TRDN: variants seen among roughly 807,000 people sequenced by gnomAD.
The protein encoded by TRDN is triadin.
Under a neutral mutation model 149.7 loss-of-function variants are expected in TRDN, and 161 were observed. That is an observed-to-expected ratio of 1.08 (90% CI 0.95 to 1.23). TRDN has a LOEUF of 1.23. Ranked by LOEUF, TRDN falls within the 50% of genes most tolerant of loss-of-function variation. TRDN has a pLI of 0.00. For synonymous variants in TRDN, 294 were observed against 250.5 expected (o/e 1.17, Z -1.64); for missense variants, 896 against 823.5 (o/e 1.09, Z -1.08).
intron 21 of TRDN, among the ~76,000 whole-genome samples, chr6:123,346,705 T>C (rs539122921): frequency 1.3e-5 from 2 of 152,080 alleles, no homozygotes; most frequent in South Asian, 4.1e-4. Context: ...TTTTAAAAGA[T>C]AAACCATATT....
intron 4 of TRDN, 92 bp downstream of exon 4, chr6:123,547,248 T>C (rs1395016723): frequency 8.8e-6 from 7 of 793,002 alleles, no homozygotes; most frequent in Non-Finnish European, 7.6e-6. Context: ...AAAACCTTTA[T>C]ATTAAAATAA....
intron 9 of TRDN, among the ~76,000 whole-genome samples, chr6:123,465,885 T>C (rs1776773593): frequency 6.6e-6 from 1 of 152,232 alleles, no homozygotes; most frequent in African/African-American, 2.4e-5. Context: ...CAGACCTGCC[T>C]TACTGAAAGT....
rs546598898 is a variant in TRDN, at chr6:123,244,832, G to T, written c.1975+7580C>A. Among the ~76,000 whole-genome samples, 7 of 152,232 alleles carry T rather than the reference G, an allele frequency of 4.6e-5. No individual in the cohort carries two copies. In the South Asian group the frequency reaches 1.5e-3, roughly 32 times the overall value. On this transcript the variant is annotated intron_variant, in intron 38 of 40. Transcript: ENST00000334268. ...GTTGAAATGAAAGAAAAAATGTTAA[G>T]GGCAGCTAGAGAGAAAGGTCAGGTC...
chr6:123,280,356 A>G (rs1002798634), intron 24 of TRDN, among the ~76,000 whole-genome samples: 3 of 152,310 alleles, frequency 2.0e-5, no homozygotes, highest in South Asian at 2.1e-4. Flanking sequence ...TTGAAGTTCA[A>G]TAGCGTCAAT....
intron 2 of TRDN, among the ~76,000 whole-genome samples, chr6:123,561,462 T>C (rs1172620587): frequency 6.6e-6 from 1 of 152,000 alleles, no homozygotes; most frequent in Non-Finnish European, 1.5e-5. Flanking sequence ...GCATGGACAC[T>C]CCTTTTTATT....
In TRDN at chr6:123,428,046, T is replaced by C. The variant is rs1774196257; in HGVS notation, c.1051+10017A>G. Among the ~76,000 whole-genome samples, 3 of 152,204 alleles carry C rather than the reference T, an allele frequency of 2.0e-5. No individual in the cohort carries two copies. The South Asian group carries it at 6.2e-4, about 31-fold the overall frequency. On this transcript the variant is annotated intron_variant, in intron 12 of 40. Transcript: ENST00000334268. ...AATCATATCACCTAGATTTTCACCA[T>C]CTAGAAATGACTTCTTGAAGAGAGT... is the stretch of plus-strand genomic sequence containing the variant.
intron 12 of TRDN, among the ~76,000 whole-genome samples, chr6:123,436,938 T>C (rs999781825): frequency 6.6e-6 from 1 of 152,170 alleles, no homozygotes; most frequent in Admixed American, 6.5e-5. Flanking sequence ...TGGTAGAATT[T>C]TAAGCATCAC....
chr6:123,366,261 A>G, intron 19 of TRDN, 79 bp from the exon 20 acceptor site: 2 of 1,364,990 alleles, frequency 1.5e-6, no homozygotes, highest in Non-Finnish European at 2.0e-6. Flanking sequence ...TGAGAATAAA[A>G]TTAAAGATAA....
chr6:123,453,786 T>C (rs952577289), intron 10 of TRDN, among the ~76,000 whole-genome samples: 1 of 152,050 alleles, frequency 6.6e-6, no homozygotes, highest in African/African-American at 2.4e-5. Flanking sequence ...AGCCATTATT[T>C]GAAAAAGATT....
intron 37 of TRDN, among the ~76,000 whole-genome samples, chr6:123,253,607 T>C (rs924606386): frequency 1.3e-5 from 2 of 152,148 alleles, no homozygotes; most frequent in Non-Finnish European, 2.9e-5. Context: ...AAAAATAGAC[T>C]TTCACTGATA....
intron 9 of TRDN, among the ~76,000 whole-genome samples, 196 bp downstream of exon 9, chr6:123,496,997 A>G (rs760660923): frequency 7.2e-5 from 11 of 152,060 alleles, no homozygotes; most frequent in Non-Finnish European, 1.3e-4. Context: ...TTCATTTGCA[A>G]TAGGCCATGC....
At chr6:123,249,963 CA>C (rs1233650711) in intron 38 of TRDN, among the ~76,000 whole-genome samples, 2 of 151,802 alleles carry the variant, frequency 1.3e-5, no homozygotes, top group South Asian at 2.1e-4. Flanking sequence ...AGGACTCCAC[CA>C]AAAAAACTTC....
chr6:123,593,181 A>G (rs941285020), intron 1 of TRDN, among the ~76,000 whole-genome samples: 1 of 152,226 alleles, frequency 6.6e-6, no homozygotes, highest in Non-Finnish European at 1.5e-5. Flanking sequence ...AAAATTGATC[A>G]CAATTACATT....
chr6:123,247,940 C>A (rs1776244040), intron 38 of TRDN, among the ~76,000 whole-genome samples: 1 of 152,002 alleles, frequency 6.6e-6, no homozygotes, highest in Non-Finnish European at 1.5e-5. Context: ...ACAGAAATAA[C>A]ACCACACATC....
intron 24 of TRDN, among the ~76,000 whole-genome samples, chr6:123,302,865 C>G (rs1778477752): frequency 6.6e-6 from 1 of 152,050 alleles, no homozygotes; most frequent in African/African-American, 2.4e-5. Context: ...TAACAAGCAG[C>G]TAGGTGATGC....
chr6:123,490,570 G>A (rs544045800), intron 9 of TRDN, among the ~76,000 whole-genome samples: 8 of 152,274 alleles, frequency 5.3e-5, no homozygotes, highest in African/African-American at 1.9e-4. Flanking sequence ...TTCTCATCTA[G>A]TTAGCCCTTT....
intron 20 of TRDN, among the ~76,000 whole-genome samples, chr6:123,363,296 T>G (rs1780966913): frequency 6.6e-6 from 1 of 152,148 alleles, no homozygotes; most frequent in Non-Finnish European, 1.5e-5. Context: ...AGTAAATACA[T>G]GATGAGAACA....
chr6:123,274,143 G>A (rs905558831), intron 27 of TRDN, among the ~76,000 whole-genome samples: 3 of 152,078 alleles, frequency 2.0e-5, no homozygotes, highest in Non-Finnish European at 4.4e-5. Context: ...TAATGGCCAT[G>A]CTGTCTGTTT....
rs981002574 is a variant in TRDN, at chr6:123,491,619, A to G, written c.853+5574T>C. 2.0e-5 allele frequency among the ~76,000 whole-genome samples: 3 copies of G among 152,244 alleles called. No homozygotes were observed. The East Asian group carries it at 5.8e-4, about 29-fold the overall frequency. On this transcript the variant is annotated intron_variant, in intron 9 of 40. Transcript: ENST00000334268. ...CTGGTATACTGAGATTAGAATGTAT[A>G]TTTTCTATGTCTTCATTGTATACTT...
Sources: gnomAD v4.1 joint callset for allele counts (sites outside exome capture counted in the v4.1 genomes callset) on GRCh38, gnomAD v4.1.1 for gene constraint, MANE v1.5 for transcripts, NCBI Gene and HGNC (gene_info 2026-07-23, HGNC 2026-07-21) for gene names.